Variants in TTLL11 observed in about 807,000 individuals in gnomAD.
The protein encoded by TTLL11 is tubulin tyrosine ligase like 11, also known as tubulin polyglutamylase TTLL11.
A neutral mutation model predicts 51.7 loss-of-function variants in TTLL11; 42 were observed. That is an observed-to-expected ratio of 0.81 (90% CI 0.64 to 1.05). The LOEUF is 1.05. Ranked by LOEUF, TTLL11 falls within the 50% of genes least tolerant of loss-of-function variation. TTLL11 has a pLI of 0.00. For missense variants in TTLL11, 799 were observed against 940.4 expected (o/e 0.85, Z 1.97); for synonymous variants, 381 against 383.5 (o/e 0.99, Z 0.08).
chr9:122,026,341 G>A (rs780088224), intron 3 of TTLL11, among the ~76,000 whole-genome samples: 1 of 151,860 alleles, frequency 6.6e-6, no homozygotes, highest in Non-Finnish European at 1.5e-5. Context: ...AGGAGGCTGA[G>A]GCAGGAGAAT....
chr9:122,080,029 A>G (rs1845961432), intron 1 of TTLL11, among the ~76,000 whole-genome samples: 1 of 152,230 alleles, frequency 6.6e-6, no homozygotes, highest in Non-Finnish European at 1.5e-5. Context: ...TACTGAATAC[A>G]TTATTTGAAT....
intron 8 of TTLL11, among the ~76,000 whole-genome samples, chr9:121,837,681 C>G (rs73539178): frequency 0.063 from 9,578 of 152,274 alleles, 490 homozygotes; most frequent in African/African-American, 0.13. Flanking sequence ...ACTATCCTCT[C>G]TCTCTCTGTT....
chr9:122,048,144 A>G (rs1406414353), intron 1 of TTLL11, among the ~76,000 whole-genome samples: 1 of 151,810 alleles, frequency 6.6e-6, no homozygotes, highest in Admixed American at 6.6e-5. Flanking sequence ...AGGACGAGAG[A>G]CTTTTATTTT....
Position 122,093,212 on chromosome 9 carries a change from G to A in TTLL11, c.-64C>T. Reference sequence around the variant, plus strand: ...CCGCCGCCGCCGCTCCGCCGCCCCAGTCCGCCACCAAACTGCCGCCGCTGC... The same window carrying A: ...CCGCCGCCGCCGCTCCGCCGCCCCAATCCGCCACCAAACTGCCGCCGCTGC... On this transcript the variant is annotated 5_prime_UTR_variant, in exon 1 of 9. Transcript: ENST00000321582. The A allele has an allele frequency of 6.7e-7, 1 of 1,493,412 alleles. No homozygotes were observed. The highest frequency in any genetic ancestry group is 2.2e-5 in the Admixed American group (1 of 44,734). The allele number at this position is 1,493,412 out of a possible 1,614,324, so 92.5% of individuals were successfully genotyped here.
chr9:122,033,214 G>C (rs1306758630), intron 2 of TTLL11, among the ~76,000 whole-genome samples: 2 of 152,174 alleles, frequency 1.3e-5, no homozygotes, highest in East Asian at 3.9e-4. Context: ...CTAGGTTCAA[G>C]CAATTCTCCT....
intron 4 of TTLL11, among the ~76,000 whole-genome samples, chr9:121,977,930 C>T (rs1203956784): frequency 6.6e-6 from 1 of 152,134 alleles, no homozygotes; most frequent in South Asian, 2.1e-4. Flanking sequence ...CTGCCTTGTC[C>T]TCCCAAAGTT....
intron 8 of TTLL11, among the ~76,000 whole-genome samples, chr9:121,828,375 T>A (rs1485499659): frequency 1.3e-5 from 2 of 152,050 alleles, no homozygotes; most frequent in Non-Finnish European, 2.9e-5. Context: ...GGGTTTCGCC[T>A]TCTTGGCCAG....
At chr9:121,893,296 T>A (rs1839329678) in intron 6 of TTLL11, among the ~76,000 whole-genome samples, 1 of 148,210 alleles carries the variant, frequency 6.7e-6, no homozygotes, top group Admixed American at 7.0e-5. Context: ...TGTTGGTGTT[T>A]TATTTCCAGA....
intron 3 of TTLL11, among the ~76,000 whole-genome samples, chr9:122,021,694 C>G (rs1223525850): frequency 1.3e-5 from 2 of 152,128 alleles, no homozygotes; most frequent in East Asian, 3.8e-4. Flanking sequence ...TTCCAAGTAA[C>G]TGAACTGGAT....
At chr9:121,927,675 C>T (rs1310456776) in intron 6 of TTLL11, among the ~76,000 whole-genome samples, 1 of 147,264 alleles carries the variant, frequency 6.8e-6, no homozygotes, top group African/African-American at 2.5e-5. Context: ...GAGAAGACTT[C>T]TGAGGGGATA....
intron 7 of TTLL11, among the ~76,000 whole-genome samples, chr9:121,865,452 G>A (rs1051779127): frequency 1.3e-5 from 2 of 152,200 alleles, no homozygotes; most frequent in East Asian, 1.9e-4. Context: ...AAATAAACCT[G>A]GTTTTGGCAA....
At chr9:122,001,173 G>C (rs1381849335) in intron 3 of TTLL11, among the ~76,000 whole-genome samples, 1 of 152,158 alleles carries the variant, frequency 6.6e-6, no homozygotes, top group East Asian at 1.9e-4. Context: ...TCGGCTCATT[G>C]CAACTGCGGC....
intron 3 of TTLL11, among the ~76,000 whole-genome samples, chr9:122,001,017 T>C (rs1048670854): frequency 6.6e-6 from 1 of 152,228 alleles, no homozygotes; most frequent in African/African-American, 2.4e-5. Context: ...TCTACTGATA[T>C]TGGTTTTTTT....
At chr9:121,824,478 C>CAAAAAA (rs35905457) in intron 8 of TTLL11, among the ~76,000 whole-genome samples, 2 of 110,360 alleles carry the variant, frequency 1.8e-5, no homozygotes, top group Admixed American at 1.0e-4. Context: ...GACTCCATCT[C>CAAAAAA]AAAAAAAAAA....
At chr9:122,014,233 C>T (rs1396333576) in intron 3 of TTLL11, among the ~76,000 whole-genome samples, 2 of 151,996 alleles carry the variant, frequency 1.3e-5, no homozygotes, top group East Asian at 1.9e-4. Flanking sequence ...GGCATGGTGG[C>T]GCAGGCCTGT....
intron 8 of TTLL11, among the ~76,000 whole-genome samples, chr9:121,832,008 G>T (rs1371135319): frequency 6.6e-6 from 1 of 152,114 alleles, no homozygotes; most frequent in East Asian, 1.9e-4. Context: ...TCCTCACATG[G>T]CAGAGAGGCA....
chr9:122,039,888 A>T (rs144142913), intron 1 of TTLL11, among the ~76,000 whole-genome samples: 2,808 of 148,988 alleles, frequency 0.019, 38 homozygotes, highest in African/African-American at 0.035. Flanking sequence ...TCTCTCTCTC[A>T]CACACACACA....
chr9:121,989,362 A>G lies in TTLL11; in HGVS notation c.1102T>C (p.Phe368Leu). ...DSASTGSKRT[F>L]SSILCRLSSK... ...GACAGTCTACAAAGGATGCTGGAAAAAGTCCTTTTGCTGCCAGTGCTAGCA... is the reference window on the plus strand; with the variant it reads ...GACAGTCTACAAAGGATGCTGGAAAGAGTCCTTTTGCTGCCAGTGCTAGCA... Residue 368 changes from phenylalanine to leucine, a missense_variant, in exon 4 of 9, where the codon TTT becomes CTT. Coordinates refer to ENST00000321582, the MANE Select transcript of TTLL11 (RefSeq NM_001139442.2). The surrounding 1 kb of genome is among the most constrained non-coding windows in gnomAD (Gnocchi z 4.2). 6.2e-7 allele frequency: 1 copy of G among 1,614,130 alleles called. No homozygotes were observed. Among genetic ancestry groups the G allele is most frequent in the Non-Finnish European group, 8.5e-7 (1 of 1,180,024 alleles).
At chr9:122,043,695 CA>C (rs1564372273) in intron 1 of TTLL11, among the ~76,000 whole-genome samples, 1 of 151,948 alleles carries the variant, frequency 6.6e-6, no homozygotes, top group Non-Finnish European at 1.5e-5. Context: ...CAACAAAAAA[CA>C]AAATAGGTAA....
Sources: gnomAD v4.1 joint callset for allele counts (sites outside exome capture counted in the v4.1 genomes callset) on GRCh38, gnomAD v4.1.1 for gene constraint, Gnocchi (gnomAD v3.1) non-coding constraint, MANE v1.5 for transcripts, NCBI Gene and HGNC (gene_info 2026-07-23, HGNC 2026-07-21) for gene names.